The following VARS1 variants were observed in gnomAD, a reference collection of about 807,000 sequenced individuals.
The protein encoded by VARS1 is valyl-tRNA synthetase 1.
In VARS1, 92 loss-of-function variants were observed where a neutral mutation model predicts 161.0. The observed-to-expected ratio is 0.57, with a 90% CI of 0.48 to 0.68. The LOEUF is 0.68. Ranked by LOEUF, VARS1 falls within the 30% of genes least tolerant of loss-of-function variation. VARS1 has a pLI of 0.00. For missense variants in VARS1, 1,338 were observed against 1,695.9 expected, an observed-to-expected ratio of 0.79 and a Z score of 3.71; for synonymous variants, 595 against 682.5, an observed-to-expected ratio of 0.87 and a Z score of 2.00.
Position 31,781,630 on chromosome 6 carries a change from G to C in VARS1, c.2419-24C>G, listed in dbSNP as rs1221511187. The C allele has an allele frequency of 6.2e-7, 1 of 1,612,812 alleles. No individual in the cohort carries two copies. Among genetic ancestry groups the C allele is most frequent in the South Asian group, 1.1e-5 (1 of 91,078 alleles). On this transcript the variant is annotated intron_variant, in intron 20 of 29. Coordinates refer to ENST00000375663, the MANE Select transcript of VARS1 (RefSeq NM_006295.3). The surrounding 1 kb of genome is among the most constrained non-coding windows in gnomAD (Gnocchi z 6.8). ...GACTGAGGGCAGACCAGGGTGTGAA[G>C]GGGAGCCAACACCCACCCTCCAGTC... is the stretch of plus-strand genomic sequence containing the variant.
At position 31,779,462 on chromosome 6, in the gene VARS1, C is replaced by A. The variant is rs1355201372; in HGVS notation, c.3363G>T (p.Leu1121=). ...TCCGGGTGAGGTTGTAGTCGGCCCG[C>A]AGGGAGCGCACGGCTCGCGTGATGC... ...ALSITRAVRS[L]RADYNLTRIR... The change falls in exon 28 of 30, where the codon CTG becomes CTT. Residue 1121 remains leucine, a synonymous_variant. Coordinates refer to ENST00000375663, the MANE Select transcript of VARS1 (RefSeq NM_006295.3). The surrounding 1 kb of genome is among the most constrained non-coding windows in gnomAD (Gnocchi z 9.1). 6.2e-7 allele frequency: 1 copy of A among 1,612,542 alleles called. No individual in the cohort carries two copies. Among genetic ancestry groups the A allele is most frequent in the African/African-American group, 1.3e-5 (1 of 74,906 alleles).
Position 31,780,049 on chromosome 6 carries a change from G to A in VARS1, c.3030C>T (p.Val1010=). The A allele has an allele frequency of 6.2e-7, 1 of 1,614,142 alleles. No homozygotes were observed. The highest frequency in any genetic ancestry group is 8.5e-7 in the Non-Finnish European group (1 of 1,180,030). ...QGFQAYDFPA[V]TTAQYSFWLY... ...GCCAGAAGCTGTACTGGGCAGTGGT[G>A]ACGGCCGGGAAGTCGTAGGCCTGGA... The change falls in exon 26 of 30, where the codon GTC becomes GTT. Residue 1010 remains valine (V), a synonymous_variant. Transcript: ENST00000375663. The surrounding 1 kb of genome is among the most constrained non-coding windows in gnomAD (Gnocchi z 5.1).
At chr6:31,789,715 C>T (rs574388410) in intron 8 of VARS1, among the ~76,000 whole-genome samples, 1 of 152,242 alleles carries the variant, frequency 6.6e-6, no homozygotes, top group East Asian at 1.9e-4. Flanking sequence ...TTGTCTTGGG[C>T]CACAGATAAA....
Position 31,782,738 on chromosome 6 carries a change from C to A in VARS1, c.1870G>T (p.Val624Leu). Residue 624 changes from valine (V) to leucine (L), a missense_variant, in exon 15 of 30, where the codon GTG becomes TTG. By Grantham distance (32) the Val-to-Leu change is conservative (BLOSUM62 1). Transcript: ENST00000375663. This position sits in a 1 kb window ranked among gnomAD's most constrained non-coding sequence, Gnocchi z 8.3. ...AGCCTCACCAGGAAAGGCGGAGGCA[C>A]ATTGATGAGGGCCCCCCGGGAGTCC... ...IMDSRGALIN[V>L]PPPFLGLPRF... 6.2e-7 allele frequency: 1 copy of A among 1,613,018 alleles called. No homozygotes were observed. The highest frequency in any genetic ancestry group is 8.5e-7 in the Non-Finnish European group (1 of 1,179,998).
At chr6:31,783,764 C>A (rs1170396913) in intron 13 of VARS1, among the ~76,000 whole-genome samples, 1 of 150,604 alleles carries the variant, frequency 6.6e-6, no homozygotes, top group Admixed American at 6.6e-5. Context: ...CAGGTTCAAG[C>A]GATTCTCCTG....
intron 8 of VARS1, among the ~76,000 whole-genome samples, chr6:31,789,224 T>C (rs1813713911): frequency 6.6e-6 from 1 of 150,798 alleles, no homozygotes; most frequent in African/African-American, 2.4e-5. Flanking sequence ...ACAAAAAAAT[T>C]GATACCCAGA....
Position 31,782,576 on chromosome 6 carries a change from G to T in VARS1, c.1945C>A (p.Leu649Met), listed in dbSNP as rs1364177394. 1.2e-6 allele frequency: 2 copies of T among 1,612,954 alleles called. No individual in the cohort carries two copies. The highest frequency in any genetic ancestry group is 1.7e-6 in the Non-Finnish European group (2 of 1,180,040). ...AVLVALKERG[L>M]FRGIEDNPMV... ...GGGTTGTCCTCAATGCCACGGAACA[G>T]TCCCCGCTCCTTCAGCGCCACCAGC... The change falls in exon 16 of 30, where the codon CTG becomes ATG. Residue 649 changes from leucine to methionine, a missense_variant. Leu to Met is a conservative substitution (Grantham distance 15). Transcript: ENST00000375663. This position sits in a 1 kb window ranked among gnomAD's most constrained non-coding sequence, Gnocchi z 8.3.
At chr6:31,792,634 C>CT in intron 4 of VARS1, 118 bp from the exon 5 acceptor site, 1 of 1,590,726 alleles carries the variant, frequency 6.3e-7, no homozygotes, top group Non-Finnish European at 8.6e-7. Flanking sequence ...GACCTCCCCC[C>CT]TCTCCCTCCT....
chr6:31,795,446 A>G lies in VARS1; in HGVS notation c.-34+100T>C. The G allele has an allele frequency of 2.5e-6, 1 of 396,908 alleles. No individual in the cohort carries two copies. The highest frequency in any genetic ancestry group is 4.4e-6 in the Non-Finnish European group (1 of 225,972). The allele number at this position is 396,908 out of a possible 1,614,324, so 24.6% of individuals were successfully genotyped here. On this transcript the variant is annotated intron_variant, in intron 1 of 29. Coordinates refer to ENST00000375663, the MANE Select transcript of VARS1 (RefSeq NM_006295.3). This position sits in a 1 kb window ranked among gnomAD's most constrained non-coding sequence, Gnocchi z 6.9. ...AGTGTCAGTGGGGAGTTCCTGGGGA[A>G]GAGGAACTATCCACCATCGCGGGGC...
chr6:31,786,803 G>T (rs1813539790), intron 8 of VARS1, among the ~76,000 whole-genome samples: 1 of 151,546 alleles, frequency 6.6e-6, no homozygotes, highest in African/African-American at 2.4e-5. Flanking sequence ...CAAATTTAGT[G>T]TTTGTGAAAG....
At position 31,782,335 on chromosome 6, in the gene VARS1, G is replaced by T; in HGVS notation, c.2100C>A (p.Ile700=). Residue 700 remains isoleucine (I), a synonymous_variant, in exon 17 of 30, where the codon ATC becomes ATA. Transcript: ENST00000375663. This position sits in a 1 kb window ranked among gnomAD's most constrained non-coding sequence, Gnocchi z 8.3. ...ATGTGCGCTGATGGGCCTCAGGCAG[G>T]ATGCGGAGGTCACCCCGAGTCACAG... ...SAAVTRGDLR[I]LPEAHQRTWH... The T allele has an allele frequency of 2.5e-6, 4 of 1,612,936 alleles. No individual in the cohort carries two copies. Among genetic ancestry groups the T allele is most frequent in the Non-Finnish European group, 3.4e-6 (4 of 1,179,974 alleles).
Position 31,784,698 on chromosome 6 carries a change from A to C in VARS1, c.1364T>G (p.Val455Gly). The change falls in exon 11 of 30, where the codon GTG (valine) becomes GGG (glycine). Residue 455 changes from valine to glycine, a missense_variant. This residue lies in a region of VARS1 where 902 missense variants were observed against 1,090.3 expected (regional missense o/e 0.83). Coordinates refer to ENST00000375663, the MANE Select transcript of VARS1 (RefSeq NM_006295.3). The surrounding 1 kb of genome is among the most constrained non-coding windows in gnomAD (Gnocchi z 6.1). ...GTGAAGCCGGACAAAGGCCTCTGTC[A>C]CAGCTGCTGAGAGTTTCTGGGGTGG... ...FTMDPKLSAA[V>G]TEAFVRLHEE... 1 of 1,612,980 alleles carries C rather than the reference A, an allele frequency of 6.2e-7. No individual in the cohort carries two copies. The highest frequency in any genetic ancestry group is 8.5e-7 in the Non-Finnish European group (1 of 1,180,024).
At position 31,779,571 on chromosome 6, in the gene VARS1, G is replaced by A; in HGVS notation, c.3289-35C>T. The A allele has an allele frequency of 1.2e-6, 2 of 1,611,712 alleles. No individual in the cohort carries two copies. Among genetic ancestry groups the A allele is most frequent in the Non-Finnish European group, 1.7e-6 (2 of 1,179,228 alleles). On this transcript the variant is annotated intron_variant, in intron 27 of 29. Coordinates refer to ENST00000375663, the MANE Select transcript of VARS1 (RefSeq NM_006295.3). This position sits in a 1 kb window ranked among gnomAD's most constrained non-coding sequence, Gnocchi z 9.1. ...GGAGGAGGGGGTGAGGGGGCCTGGAGGGCAGGTCAGACTCCCCTCTCCAGG... is the reference window on the plus strand; with the variant it reads ...GGAGGAGGGGGTGAGGGGGCCTGGAAGGCAGGTCAGACTCCCCTCTCCAGG...
rs143525707 is a variant in VARS1 at position 31,792,230 on chromosome 6, G to A, written c.858C>T (p.Pro286=). The change falls in exon 6 of 30, where the codon CCC becomes CCT. Residue 286 remains proline, a synonymous_variant. Coordinates refer to ENST00000375663, the MANE Select transcript of VARS1 (RefSeq NM_006295.3). ...GVITYDLPTP[P]GEKKDVSGPM... is the part of the protein sequence containing the mutation. The stretch of plus-strand genomic sequence containing the variant: ...CACTCCTAGTACCTTTCTTTTCCCC[G>A]GGTGGGGTTGGGAGGTCATAGGTAA... 970 of 1,613,842 alleles carry A rather than the reference G, an allele frequency of 6.0e-4. 4 individuals carry two copies. In the African/African-American group the frequency reaches 9.7e-3, roughly 16 times the overall value.
Position 31,785,130 on chromosome 6 carries a change from G to A in VARS1, c.1347+116C>T. The A allele has an allele frequency of 7.9e-7, 1 of 1,270,702 alleles. No homozygotes were observed. Among genetic ancestry groups the A allele is most frequent in the Non-Finnish European group, 1.1e-6 (1 of 892,998 alleles). The allele number at this position is 1,270,702 out of a possible 1,614,324, so 78.7% of individuals were successfully genotyped here. Reference sequence around the variant, plus strand: ...CATTTGCAGCTGAGCCCTCCATGGTGTTTTACATGGGCCAGCTCCTGAGAG... The same window carrying A: ...CATTTGCAGCTGAGCCCTCCATGGTATTTTACATGGGCCAGCTCCTGAGAG... On this transcript the variant is annotated intron_variant, in intron 10 of 29. Coordinates refer to ENST00000375663, the MANE Select transcript of VARS1 (RefSeq NM_006295.3). This position sits in a 1 kb window ranked among gnomAD's most constrained non-coding sequence, Gnocchi z 6.1.
chr6:31,791,936 G>A lies in VARS1; in HGVS notation c.907C>T (p.Arg303Trp), dbSNP rs773354120. ...SGPMPDSYSP[R>W]YVEAAWYPWW... The stretch of plus-strand genomic sequence containing the variant: ...GGGTACCAGGCAGCCTCCACATACC[G>A]AGGGCTGTAGGAGTCGGGCATGGGG... The change falls in exon 7 of 30, where the codon CGG becomes TGG. Residue 303 changes from arginine to tryptophan, a missense_variant. Physicochemically the swap from Arg to Trp is moderately radical, Grantham distance 101. This residue lies in a region of VARS1 where 902 missense variants were observed against 1,090.3 expected (regional missense o/e 0.83). Transcript: ENST00000375663. This position sits in a 1 kb window ranked among gnomAD's most constrained non-coding sequence, Gnocchi z 5.0. 16 of 1,603,434 alleles carry A rather than the reference G, an allele frequency of 1.0e-5. No individual in the cohort carries two copies. Among genetic ancestry groups the A allele is most frequent in the South Asian group, 7.8e-5 (7 of 89,960 alleles).
At chr6:31,786,435 G>A (rs1813511348) in intron 8 of VARS1, among the ~76,000 whole-genome samples, 1 of 152,100 alleles carries the variant, frequency 6.6e-6, no homozygotes. Flanking sequence ...GGGAGGCCAA[G>A]GCGAGTGGAT....
chr6:31,780,434 C>A lies in VARS1; in HGVS notation c.2925+7G>T. 6.2e-7 allele frequency: 1 copy of A among 1,610,910 alleles called. No individual in the cohort carries two copies. Among genetic ancestry groups the A allele is most frequent in the Admixed American group, 1.7e-5 (1 of 59,824 alleles). ...GCTGCCAGCTTTGCTGCCCACCAGG[C>A]CCTTACCTGGGAGGTGGGTGAGGGC... On this transcript the variant is annotated splice_region_variant and intron_variant, in intron 25 of 29. Transcript: ENST00000375663. The surrounding 1 kb of genome is among the most constrained non-coding windows in gnomAD (Gnocchi z 5.1).
intron 8 of VARS1, among the ~76,000 whole-genome samples, chr6:31,789,077 C>T (rs891311205): frequency 2.0e-5 from 3 of 151,700 alleles, no homozygotes; most frequent in African/African-American, 7.3e-5. Context: ...GATTTGTCAC[C>T]TAGAATATTA....
Sources: allele counts gnomAD v4.1 joint callset (sites outside exome capture counted in the v4.1 genomes callset), GRCh38; gene constraint gnomAD v4.1.1; regional missense constraint gnomAD v4.1.1; non-coding constraint Gnocchi (gnomAD v3.1); transcripts MANE v1.5; gene names NCBI Gene and HGNC (gene_info 2026-07-23, HGNC 2026-07-21).